PNLIPRP3: variants seen among roughly 807,000 people sequenced by gnomAD.
PNLIPRP3 encodes pancreatic lipase-related protein 3.
Under a neutral mutation model 52.8 loss-of-function variants are expected in PNLIPRP3, and 58 were observed. The observed-to-expected ratio is 1.10, with a 90% CI of 0.89 to 1.37. PNLIPRP3 has a LOEUF of 1.37. PNLIPRP3 is among the 40% of genes most tolerant of loss of function. The pLI is 0.00. For missense variants in PNLIPRP3, 593 were observed against 561.6 expected (o/e 1.06, Z -0.57); for synonymous variants, 192 against 185.0 (o/e 1.04, Z -0.31).
At chr10:116,463,168 G>C (rs769449935) in intron 7 of PNLIPRP3, among the ~76,000 whole-genome samples, 1 of 151,784 alleles carries the variant, frequency 6.6e-6, no homozygotes, top group Non-Finnish European at 1.5e-5. Flanking sequence ...AAACTATTCT[G>C]TCTCAGTTCT....
intron 1 of PNLIPRP3, among the ~76,000 whole-genome samples, chr10:116,433,464 T>C (rs1488624365): frequency 2.0e-5 from 3 of 152,202 alleles, no homozygotes; most frequent in Non-Finnish European, 4.4e-5. Context: ...AAGTTTCTGA[T>C]AATTAAATAA....
chr10:116,449,174 G>T (rs896715889), intron 4 of PNLIPRP3, among the ~76,000 whole-genome samples: 1 of 152,156 alleles, frequency 6.6e-6, no homozygotes, highest in African/African-American at 2.4e-5. Context: ...ACTCCAGCCT[G>T]ACTGGCAGAG....
Position 116,450,997 on chromosome 10 carries a change from G to A in PNLIPRP3, c.457-4725G>A, listed in dbSNP as rs185429369. The stretch of plus-strand genomic sequence containing the variant: ...CCCTGAATAGCCAAAACAATCTCGA[G>A]AAAGAAGAACTAAGCTGGAATCATC... On this transcript the variant is annotated intron_variant, in intron 4 of 11. Transcript: ENST00000369230. 3.9e-3 allele frequency among the ~76,000 whole-genome samples: 593 copies of A among 152,022 alleles called. 1 individual carries two copies. The highest frequency in any genetic ancestry group is 6.0e-3 in the Non-Finnish European group (405 of 67,976).
At chr10:116,435,812 A>T (rs879641367) in intron 1 of PNLIPRP3, among the ~76,000 whole-genome samples, 1 of 152,140 alleles carries the variant, frequency 6.6e-6, no homozygotes, top group Admixed American at 6.6e-5. Context: ...TTCCTTAGGT[A>T]ATTTTTTTAC....
At chr10:116,448,313 C>T (rs139791589) in intron 4 of PNLIPRP3, among the ~76,000 whole-genome samples, 7 of 152,112 alleles carry the variant, frequency 4.6e-5, no homozygotes, top group African/African-American at 1.2e-4. Context: ...TTGACTTTGG[C>T]GTATATGATT....
At chr10:116,448,310 T>G (rs923318617) in intron 4 of PNLIPRP3, among the ~76,000 whole-genome samples, 1 of 152,222 alleles carries the variant, frequency 6.6e-6, no homozygotes, top group Non-Finnish European at 1.5e-5. Context: ...GTGTTGACTT[T>G]GGCGTATATG....
chr10:116,470,117 C>T (rs1003881769), intron 9 of PNLIPRP3, among the ~76,000 whole-genome samples: 3 of 152,016 alleles, frequency 2.0e-5, no homozygotes, highest in Non-Finnish European at 2.9e-5. Flanking sequence ...ATTCTCTGAG[C>T]TTGACGACAC....
chr10:116,443,801 GCATATATATATATA>G (rs1564695649), intron 3 of PNLIPRP3, among the ~76,000 whole-genome samples: 47 of 11,150 alleles, frequency 4.2e-3, no homozygotes, highest in East Asian at 0.02. Context: ...ATGTGTGTGT[GCATATATATATATA>G]TATATATATA....
chr10:116,443,586 C>T (rs191774469), intron 3 of PNLIPRP3, among the ~76,000 whole-genome samples: 29 of 145,128 alleles, frequency 2.0e-4, no homozygotes, highest in African/African-American at 6.8e-4. Flanking sequence ...ACCTATCTCA[C>T]GGAGTGAGAA....
In PNLIPRP3 at chr10:116,477,328, G is replaced by A; in HGVS notation, c.*175G>A. The A allele has an allele frequency of 2.2e-6, 1 of 463,968 alleles. No homozygotes were observed. Among genetic ancestry groups the A allele is most frequent in the Non-Finnish European group, 3.8e-6 (1 of 265,496 alleles). 28.7% of individuals were successfully genotyped at this position (463,968 alleles called of 1,614,324 possible). The stretch of plus-strand genomic sequence containing the variant: ...TTCTGTGTAGAATGTTCATCTAACT[G>A]CACCTTAAAAACACACTGAACCCTG... On this transcript the variant is annotated 3_prime_UTR_variant, in exon 12 of 12. Coordinates refer to ENST00000369230, the MANE Select transcript of PNLIPRP3 (RefSeq NM_001011709.3).
At position 116,477,240 on chromosome 10, in the gene PNLIPRP3, C is replaced by G; in HGVS notation, c.*87C>G. On this transcript the variant is annotated 3_prime_UTR_variant, in exon 12 of 12. Transcript: ENST00000369230. The stretch of plus-strand genomic sequence containing the variant: ...ACCTGGCATCCAGACCAAATTTGAC[C>G]CTTGTAAATGACTTAGTCATTTACA... The G allele has an allele frequency of 9.1e-7, 1 of 1,104,690 alleles. No homozygotes were observed. Among genetic ancestry groups the G allele is most frequent in the Non-Finnish European group, 1.3e-6 (1 of 757,744 alleles). The allele number at this position is 1,104,690 out of a possible 1,614,324, so 68.4% of individuals were successfully genotyped here. A position where few individuals can be genotyped will look rare whatever the true frequency, so the allele number is the denominator to read the frequency against.
chr10:116,435,341 T>C (rs763139987), intron 1 of PNLIPRP3, among the ~76,000 whole-genome samples: 1 of 151,938 alleles, frequency 6.6e-6, no homozygotes, highest in Non-Finnish European at 1.5e-5. Context: ...ACCTCTAAAA[T>C]CTTCCTCTTA....
chr10:116,448,690 G>GTGTTTTGTTTTGTTTTGTTTTGTTT (rs55781366), intron 4 of PNLIPRP3, among the ~76,000 whole-genome samples: 4 of 147,616 alleles, frequency 2.7e-5, no homozygotes, highest in African/African-American at 1.0e-4. Context: ...CTATAAAAAG[G>GTGTTTTGTTTTGTTTTGTTTTGTTT]TGTTTTGTTT....
At chr10:116,474,759 C>T (rs962704546) in intron 10 of PNLIPRP3, among the ~76,000 whole-genome samples, 1 of 152,176 alleles carries the variant, frequency 6.6e-6, no homozygotes, top group Non-Finnish European at 1.5e-5. Flanking sequence ...GATACCATCT[C>T]ACACCAGTCA....
At chr10:116,476,614 A>T (rs755306940) in intron 10 of PNLIPRP3, 38 bp from the exon 11 acceptor site, 5 of 1,490,396 alleles carry the variant, frequency 3.4e-6, no homozygotes, top group Non-Finnish European at 4.5e-6. Context: ...TGCTGTGAAT[A>T]CCCAGTGCAA....
At chr10:116,469,073 A>G (rs1846324643) in intron 8 of PNLIPRP3, 112 bp from the exon 9 acceptor site, 3 of 1,112,836 alleles carry the variant, frequency 2.7e-6, no homozygotes, top group Non-Finnish European at 3.7e-6. Flanking sequence ...TAAAATGCAT[A>G]TCCTTTATTT....
intron 2 of PNLIPRP3, among the ~76,000 whole-genome samples, chr10:116,441,526 T>G (rs1247713148): frequency 6.6e-6 from 1 of 152,152 alleles, no homozygotes; most frequent in Non-Finnish European, 1.5e-5. Flanking sequence ...CTTAGAGACA[T>G]AGATGGAATC....
intron 3 of PNLIPRP3, 75 bp downstream of exon 3, chr10:116,443,249 T>C (rs7896568): frequency 0.035 from 48,801 of 1,391,098 alleles, 1,450 homozygotes; most frequent in Admixed American, 0.15. Context: ...TTGCAAGGTA[T>C]TGATGTATAT....
intron 1 of PNLIPRP3, among the ~76,000 whole-genome samples, chr10:116,436,036 C>A (rs1397843097): frequency 6.6e-6 from 1 of 152,182 alleles, no homozygotes; most frequent in Non-Finnish European, 1.5e-5. Context: ...CAGAAATACA[C>A]CCATGTGTAT....
Sources: allele counts gnomAD v4.1 joint callset (sites outside exome capture counted in the v4.1 genomes callset), GRCh38; gene constraint gnomAD v4.1.1; transcripts MANE v1.5; gene names NCBI Gene and HGNC (gene_info 2026-07-23, HGNC 2026-07-21).